Variants in MCTP1 observed in about 807,000 individuals in gnomAD.
MCTP1 encodes the protein multiple C2 and transmembrane domain containing 1.
MCTP1 carries 69 observed loss-of-function variants against 120.6 expected under a neutral mutation model. The ratio of observed to expected loss-of-function variants is 0.57; its 90% CI spans 0.47 to 0.70. MCTP1 has a LOEUF of 0.70. MCTP1 is among the 30% of genes least tolerant of loss of function. The pLI is 0.00. For synonymous variants in MCTP1, 529 were observed against 493.1 expected, an observed-to-expected ratio of 1.07 and a Z score of -0.96; for missense variants, 1,203 against 1,248.8, an observed-to-expected ratio of 0.96 and a Z score of 0.55.
chr5:94,794,233 AC>A (rs1478029818), intron 18 of MCTP1, among the ~76,000 whole-genome samples: 2 of 152,256 alleles, frequency 1.3e-5, no homozygotes, highest in African/African-American at 2.4e-5. Context: ...TACTTAAAAA[AC>A]ATTGAAGAAT....
intron 1 of MCTP1, among the ~76,000 whole-genome samples, chr5:95,247,017 G>A (rs527852137): frequency 6.6e-6 from 1 of 152,246 alleles, no homozygotes; most frequent in South Asian, 2.1e-4. Context: ...AATCCATTTG[G>A]TCCTAGACTT....
intron 1 of MCTP1, among the ~76,000 whole-genome samples, chr5:95,044,681 C>A (rs1842876748): frequency 6.6e-6 from 1 of 152,020 alleles, no homozygotes; most frequent in African/African-American, 2.4e-5. Flanking sequence ...CATTCCCCAG[C>A]CATTCAGTTG....
intron 1 of MCTP1, among the ~76,000 whole-genome samples, chr5:95,202,150 G>T (rs1751134959): frequency 6.6e-6 from 1 of 152,040 alleles, no homozygotes; most frequent in South Asian, 2.1e-4. Context: ...GCTGGCTCGG[G>T]GCTCAGGTAG....
intron 12 of MCTP1, among the ~76,000 whole-genome samples, chr5:94,881,576 C>T (rs1800092562): frequency 6.6e-6 from 1 of 152,044 alleles, no homozygotes; most frequent in African/African-American, 2.4e-5. Context: ...TCTAGATCAG[C>T]ATGCCTGCCC....
rs188348520 is a variant in MCTP1 at position 94,812,222 on chromosome 5, T to A, written c.2437-13090A>T. ...GTGATGTCACACTCTCACATGATGA[T>A]CCTCAGTTTCTTGTTCACAATTTAC... On this transcript the variant is annotated intron_variant, in intron 17 of 22. Transcript: ENST00000515393. Among the ~76,000 whole-genome samples the A allele has an allele frequency of 2.2e-4, 34 of 152,286 alleles. No individual in the cohort carries two copies. The South Asian group carries it at 2.9e-3, about 13-fold the overall frequency.
chr5:94,922,138 A>G lies in MCTP1; in HGVS notation c.1272+1824T>C, dbSNP rs535936718. 7.9e-5 allele frequency among the ~76,000 whole-genome samples: 12 copies of G among 152,344 alleles called. No individual in the cohort carries two copies. The South Asian group carries it at 2.1e-3, about 26-fold the overall frequency. On this transcript the variant is annotated intron_variant, in intron 7 of 22. Transcript: ENST00000515393. The stretch of plus-strand genomic sequence containing the variant: ...CTCTTCATTGTCATAGGCCCAGAGA[A>G]GACATTACCATCACACCGTGGATAC...
At chr5:95,188,537 C>T (rs1409340884) in intron 1 of MCTP1, among the ~76,000 whole-genome samples, 1 of 152,180 alleles carries the variant, frequency 6.6e-6, no homozygotes, top group African/African-American at 2.4e-5. Flanking sequence ...GATATACACA[C>T]AGCTTAGATA....
At chr5:95,125,864 C>T (rs1242007614) in intron 1 of MCTP1, among the ~76,000 whole-genome samples, 1 of 152,124 alleles carries the variant, frequency 6.6e-6, no homozygotes, top group Non-Finnish European at 1.5e-5. Context: ...TTTCATTGAC[C>T]TAATTTGTAC....
chr5:94,948,275 G>A (rs1419201817), intron 3 of MCTP1, among the ~76,000 whole-genome samples: 5 of 152,026 alleles, frequency 3.3e-5, no homozygotes, highest in Non-Finnish European at 7.4e-5. Context: ...GTAGGGTTAG[G>A]GTTACATGAG....
intron 1 of MCTP1, among the ~76,000 whole-genome samples, chr5:95,161,660 A>T (rs1421239696): frequency 6.6e-6 from 1 of 152,184 alleles, no homozygotes; most frequent in African/African-American, 2.4e-5. Flanking sequence ...CATTGTAAAC[A>T]TATATGGAAA....
chr5:94,805,383 T>C (rs559079458), intron 17 of MCTP1, among the ~76,000 whole-genome samples: 1 of 152,266 alleles, frequency 6.6e-6, no homozygotes, highest in South Asian at 2.1e-4. Context: ...TCCCAATACT[T>C]TGGGAGGCTG....
chr5:95,251,190 T>G (rs1757349890), intron 1 of MCTP1, among the ~76,000 whole-genome samples: 1 of 151,946 alleles, frequency 6.6e-6, no homozygotes, highest in Non-Finnish European at 1.5e-5. Flanking sequence ...GGTTACTTTA[T>G]CTCCCACCTG....
At chr5:94,871,937 T>A (rs1201943002) in intron 13 of MCTP1, among the ~76,000 whole-genome samples, 1 of 152,006 alleles carries the variant, frequency 6.6e-6, no homozygotes, top group African/African-American at 2.4e-5. Context: ...ATAGTAAAAA[T>A]TAACAAGCAC....
At chr5:95,184,399 C>T (rs1441429140) in intron 1 of MCTP1, among the ~76,000 whole-genome samples, 1 of 152,130 alleles carries the variant, frequency 6.6e-6, no homozygotes, top group Admixed American at 6.6e-5. Context: ...AAAATTGACA[C>T]TAATTTTGAA....
intron 1 of MCTP1, among the ~76,000 whole-genome samples, chr5:95,053,321 C>G (rs1746501067): frequency 6.6e-6 from 1 of 152,182 alleles, no homozygotes; most frequent in East Asian, 1.9e-4. Context: ...AGACATAACT[C>G]AAGGTATCAT....
At chr5:95,127,612 C>T (rs2152418846) in intron 1 of MCTP1, among the ~76,000 whole-genome samples, 1 of 152,166 alleles carries the variant, frequency 6.6e-6, no homozygotes, top group Non-Finnish European at 1.5e-5. Flanking sequence ...TGGACTGACC[C>T]CAGATTGCGG....
intron 12 of MCTP1, among the ~76,000 whole-genome samples, chr5:94,887,645 A>ACTACC (rs1554128301): frequency 1.3e-5 from 2 of 152,170 alleles, no homozygotes; most frequent in Non-Finnish European, 2.9e-5. Flanking sequence ...AATATTACAA[A>ACTACC]CTACCCACTC....
intron 17 of MCTP1, among the ~76,000 whole-genome samples, chr5:94,823,162 C>T (rs528523988): frequency 3.6e-4 from 54 of 152,054 alleles, no homozygotes; most frequent in African/African-American, 1.3e-3. Context: ...GGTTTTCTTC[C>T]AGGGTTTTTA....
At chr5:95,058,624 A>G (rs11958865) in intron 1 of MCTP1, among the ~76,000 whole-genome samples, 9,165 of 152,228 alleles carry the variant, frequency 0.06, 471 homozygotes, top group African/African-American at 0.14. Context: ...CTTAAACTAT[A>G]CCACTTCAAC....
Sources: allele counts gnomAD v4.1 joint callset (sites outside exome capture counted in the v4.1 genomes callset), GRCh38; gene constraint gnomAD v4.1.1; transcripts MANE v1.5; gene names NCBI Gene and HGNC (gene_info 2026-07-23, HGNC 2026-07-21).